Variants in GRID1 observed in about 807,000 individuals in gnomAD.
GRID1 encodes the protein glutamate ionotropic receptor delta type subunit 1.
Under a neutral mutation model 98.0 loss-of-function variants are expected in GRID1, and 28 were observed. The ratio of observed to expected loss-of-function variants is 0.29; its 90% CI spans 0.21 to 0.39. The LOEUF is 0.39. GRID1 is among the 10% of genes least tolerant of loss of function. The pLI is 1.00. For missense variants in GRID1, 1,111 were observed against 1,340.5 expected, an observed-to-expected ratio of 0.83 and a Z score of 2.67; for synonymous variants, 553 against 538.5, an observed-to-expected ratio of 1.03 and a Z score of -0.37.
intron 2 of GRID1, among the ~76,000 whole-genome samples, chr10:86,277,326 G>A (rs1847287212): frequency 6.6e-6 from 1 of 152,174 alleles, no homozygotes; most frequent in African/African-American, 2.4e-5. Context: ...TGTAAGAAAT[G>A]CCAAAGGGAG....
At position 86,019,043 on chromosome 10, in the gene GRID1, C is replaced by G. The variant is rs1012218399; in HGVS notation, c.727-102804G>C. Among the ~76,000 whole-genome samples the G allele has an allele frequency of 3.0e-4, 45 of 152,298 alleles. 1 individual carries two copies. Among genetic ancestry groups the G allele is most frequent in the Admixed American group, 2.9e-3 (45 of 15,310 alleles). On this transcript the variant is annotated intron_variant, in intron 4 of 15. Coordinates refer to ENST00000327946, the MANE Select transcript of GRID1 (RefSeq NM_017551.3). The stretch of plus-strand genomic sequence containing the variant: ...CTGGATTCTGGACTGTGCTTACAAC[C>G]CAGGACCCAGTGCCTCTTATAGGAC...
Position 86,343,556 on chromosome 10 carries a change from G to C in GRID1, c.235+20385C>G, listed in dbSNP as rs78846279. ...AATGAGATGAAATATTCCTTGCAGA[G>C]AAATATTCCTTGCAGAGAACATAAG... On this transcript the variant is annotated intron_variant, in intron 2 of 15. Transcript: ENST00000327946. 3.3e-5 allele frequency among the ~76,000 whole-genome samples: 5 copies of C among 152,340 alleles called. No individual in the cohort carries two copies. The East Asian group carries it at 9.6e-4, about 29-fold the overall frequency.
intron 15 of GRID1, among the ~76,000 whole-genome samples, chr10:85,612,082 C>T (rs1842738188): frequency 6.6e-6 from 1 of 152,184 alleles, no homozygotes; most frequent in Admixed American, 6.5e-5. Flanking sequence ...AAGCAGTGTC[C>T]TTCCAGGGAA....
intron 4 of GRID1, among the ~76,000 whole-genome samples, chr10:85,958,422 A>C (rs1266132273): frequency 6.6e-6 from 1 of 152,196 alleles, no homozygotes; most frequent in Non-Finnish European, 1.5e-5. Context: ...ACTGGGCCAC[A>C]GGGTGTCCAG....
rs188849640 is a variant in GRID1 at position 86,071,318 on chromosome 10, C to T, written c.726+67501G>A. On this transcript the variant is annotated intron_variant, in intron 4 of 15. Transcript: ENST00000327946. ...ATGTCCACCCCACCTGGTATAACTG[C>T]ACAGATCTCAAATGCAACAGGCTGG... 2.6e-5 allele frequency among the ~76,000 whole-genome samples: 4 copies of T among 152,322 alleles called. No individual in the cohort carries two copies. The East Asian group carries it at 7.7e-4, about 29-fold the overall frequency.
At chr10:86,161,203 C>G (rs867917416) in intron 3 of GRID1, among the ~76,000 whole-genome samples, 4 of 152,204 alleles carry the variant, frequency 2.6e-5, no homozygotes, top group African/African-American at 9.7e-5. Flanking sequence ...GAATAAGAGA[C>G]AGCATGAGAA....
chr10:85,659,358 T>G (rs1027139738), intron 12 of GRID1, among the ~76,000 whole-genome samples: 7 of 151,884 alleles, frequency 4.6e-5, no homozygotes, highest in Admixed American at 4.6e-4. Context: ...AATAGAGGAG[T>G]GGTTGTGAGT....
At chr10:85,868,483 C>T (rs974298004) in intron 6 of GRID1, among the ~76,000 whole-genome samples, 7 of 152,184 alleles carry the variant, frequency 4.6e-5, no homozygotes, top group South Asian at 4.1e-4. Context: ...AGGAACCATG[C>T]GGGTGGGGTT....
At chr10:85,747,136 G>C (rs142935268) in intron 8 of GRID1, among the ~76,000 whole-genome samples, 17 of 152,158 alleles carry the variant, frequency 1.1e-4, no homozygotes, top group African/African-American at 4.1e-4. Flanking sequence ...GGCTCAGAAC[G>C]GTTAGGTGAT....
intron 4 of GRID1, among the ~76,000 whole-genome samples, chr10:85,977,462 C>T (rs1842486977): frequency 6.6e-6 from 1 of 152,214 alleles, no homozygotes; most frequent in Admixed American, 6.5e-5. Flanking sequence ...CACAAATACA[C>T]CTCTGATCTG....
At chr10:85,887,985 C>T (rs1206618607) in intron 5 of GRID1, among the ~76,000 whole-genome samples, 2 of 152,152 alleles carry the variant, frequency 1.3e-5, no homozygotes, top group African/African-American at 4.8e-5. Context: ...CTCTTCTACA[C>T]CCTTAAGGAA....
intron 4 of GRID1, among the ~76,000 whole-genome samples, chr10:85,958,994 A>C (rs892094259): frequency 2.6e-5 from 4 of 151,880 alleles, no homozygotes; most frequent in Non-Finnish European, 5.9e-5. Flanking sequence ...AGAAAGAAAA[A>C]GAAAAAGAAG....
intron 3 of GRID1, among the ~76,000 whole-genome samples, chr10:86,175,340 C>CA (rs55758704): frequency 0.067 from 7,022 of 105,554 alleles, 291 homozygotes; most frequent in South Asian, 0.21. Context: ...CTCAATAAAG[C>CA]AAAAAAAAAA....
intron 2 of GRID1, among the ~76,000 whole-genome samples, chr10:86,216,047 A>T (rs1846173204): frequency 6.6e-6 from 1 of 151,880 alleles, no homozygotes; most frequent in Non-Finnish European, 1.5e-5. Context: ...TTCCTCCCCT[A>T]CTTTGCCTTT....
intron 8 of GRID1, among the ~76,000 whole-genome samples, chr10:85,816,868 C>T (rs1356466604): frequency 6.6e-6 from 1 of 152,104 alleles, no homozygotes; most frequent in Non-Finnish European, 1.5e-5. Flanking sequence ...ACTCTTCACC[C>T]TCAAGTAGAC....
chr10:86,296,698 C>G (rs1847595741), intron 2 of GRID1, among the ~76,000 whole-genome samples: 1 of 152,080 alleles, frequency 6.6e-6, no homozygotes, highest in Non-Finnish European at 1.5e-5. Flanking sequence ...AAGATTGCAC[C>G]ATTGCACTCC....
intron 3 of GRID1, among the ~76,000 whole-genome samples, chr10:86,164,231 G>C (rs1325718027): frequency 6.6e-6 from 1 of 152,206 alleles, no homozygotes; most frequent in Non-Finnish European, 1.5e-5. Flanking sequence ...CAAAATCTGG[G>C]GGAGGCTCCA....
intron 3 of GRID1, among the ~76,000 whole-genome samples, chr10:86,169,030 T>C (rs1233242712): frequency 4.6e-5 from 7 of 152,196 alleles, no homozygotes; most frequent in Non-Finnish European, 1.0e-4. Context: ...ACAATGCCGG[T>C]GCAGAAAGGC....
At position 86,354,341 on chromosome 10, in the gene GRID1, G is replaced by T. The variant is rs569701308; in HGVS notation, c.235+9600C>A. On this transcript the variant is annotated intron_variant, in intron 2 of 15. Transcript: ENST00000327946. ...AGACCAAGAGGTGTCGTGTACCTTG[G>T]CAGGGTCCCAGGAGGATGGAAAACA... Among the ~76,000 whole-genome samples the T allele has an allele frequency of 3.3e-5, 5 of 152,342 alleles. 1 individual carries two copies. Among genetic ancestry groups the T allele is most frequent in the Admixed American group, 3.3e-4 (5 of 15,312 alleles).
Sources: gnomAD v4.1 joint callset for allele counts (sites outside exome capture counted in the v4.1 genomes callset) on GRCh38, gnomAD v4.1.1 for gene constraint, MANE v1.5 for transcripts, NCBI Gene and HGNC (gene_info 2026-07-23, HGNC 2026-07-21) for gene names.